Variants in ME3 observed in about 807,000 individuals in gnomAD.
The protein encoded by ME3 is malic enzyme 3, also known as NADP-dependent malic enzyme, mitochondrial.
Under a neutral mutation model 68.9 loss-of-function variants are expected in ME3, and 48 were observed. That is an observed-to-expected ratio of 0.70 (90% CI 0.55 to 0.89). The LOEUF is 0.89. Ranked by LOEUF, ME3 falls within the 40% of genes least tolerant of loss-of-function variation. The pLI is 0.00. For missense variants in ME3, 675 were observed against 797.4 expected (o/e 0.85, Z 1.85); for synonymous variants, 320 against 318.8 (o/e 1.00, Z -0.04).
At chr11:86,531,934 A>G (rs1955268109) in intron 4 of ME3, among the ~76,000 whole-genome samples, 1 of 152,068 alleles carries the variant, frequency 6.6e-6, no homozygotes, top group African/African-American at 2.4e-5. Flanking sequence ...TATGTAACAA[A>G]CCTGCACATT....
intron 8 of ME3, among the ~76,000 whole-genome samples, chr11:86,461,239 G>A (rs1352679448): frequency 1.3e-5 from 2 of 152,196 alleles, no homozygotes; most frequent in Non-Finnish European, 2.9e-5. Flanking sequence ...CTGGCTGTGT[G>A]GCCGTGAGCA....
intron 6 of ME3, among the ~76,000 whole-genome samples, chr11:86,491,124 T>C (rs1054168030): frequency 6.6e-6 from 1 of 152,240 alleles, no homozygotes; most frequent in Non-Finnish European, 1.5e-5. Flanking sequence ...TAGATTCTTA[T>C]GTTTGTATAG....
At chr11:86,631,891 A>C (rs1944041832) in intron 2 of ME3, among the ~76,000 whole-genome samples, 1 of 151,884 alleles carries the variant, frequency 6.6e-6, no homozygotes, top group African/African-American at 2.4e-5. Context: ...CACCATCATG[A>C]CCGGCTAATT....
intron 4 of ME3, among the ~76,000 whole-genome samples, chr11:86,556,235 G>A (rs1036389999): frequency 6.6e-6 from 1 of 152,196 alleles, no homozygotes; most frequent in Non-Finnish European, 1.5e-5. Flanking sequence ...GTGACCAGAG[G>A]GGGTGAGAGA....
intron 4 of ME3, among the ~76,000 whole-genome samples, chr11:86,556,043 G>C (rs1386041213): frequency 1.3e-5 from 2 of 152,008 alleles, no homozygotes; most frequent in Non-Finnish European, 2.9e-5. Flanking sequence ...AAATTCTTTG[G>C]CTCTGAGAGA....
At chr11:86,524,916 C>G (rs1954618919) in intron 4 of ME3, among the ~76,000 whole-genome samples, 1 of 152,150 alleles carries the variant, frequency 6.6e-6, no homozygotes, top group Admixed American at 6.5e-5. Context: ...AGTTCCGCCT[C>G]CAAACTACAA....
chr11:86,478,666 A>G (rs1951220990), intron 7 of ME3, among the ~76,000 whole-genome samples: 1 of 152,236 alleles, frequency 6.6e-6, no homozygotes. Context: ...ATTTTCAAAC[A>G]TTTTTTGCAG....
At chr11:86,504,356 A>G (rs1952921420) in intron 5 of ME3, among the ~76,000 whole-genome samples, 1 of 145,050 alleles carries the variant, frequency 6.9e-6, no homozygotes, top group South Asian at 2.2e-4. Context: ...CAGTTTGCTC[A>G]TCTGAGACAC....
Position 86,450,295 on chromosome 11 carries a change from A to G in ME3, c.1017+6T>C. The stretch of plus-strand genomic sequence containing the variant: ...AGCAACCAAAGAAACCCTCAATGCC[A>G]CATACCTCGCCTGCACCTTGGAAAA... On this transcript the variant is annotated splice_donor_region_variant and intron_variant, in intron 9 of 14. Coordinates refer to ENST00000543262, the Ensembl canonical transcript of ME3. 1.2e-6 allele frequency: 2 copies of G among 1,613,818 alleles called. No homozygotes were observed. The highest frequency in any genetic ancestry group is 1.7e-6 in the Non-Finnish European group (2 of 1,179,752).
At chr11:86,600,602 C>T (rs978065530) in intron 2 of ME3, among the ~76,000 whole-genome samples, 1 of 151,360 alleles carries the variant, frequency 6.6e-6, no homozygotes, top group Non-Finnish European at 1.5e-5. Context: ...CCAAGCGGAC[C>T]TAATAGACAT....
At chr11:86,598,859 A>G (rs1960058679) in intron 2 of ME3, among the ~76,000 whole-genome samples, 1 of 152,224 alleles carries the variant, frequency 6.6e-6, no homozygotes, top group Admixed American at 6.5e-5. Flanking sequence ...GTGGACCTCT[A>G]GCAAACTCCA....
chr11:86,567,078 A>G (rs994699959), intron 2 of ME3, among the ~76,000 whole-genome samples: 1 of 151,962 alleles, frequency 6.6e-6, no homozygotes, highest in African/African-American at 2.4e-5. Context: ...TTAGTCAGGC[A>G]TGGTGGTGCA....
intron 5 of ME3, among the ~76,000 whole-genome samples, chr11:86,504,380 C>CTTTT (rs35899335): frequency 2.2e-4 from 17 of 77,402 alleles, no homozygotes; most frequent in Non-Finnish European, 2.9e-4. Context: ...CCTATACATT[C>CTTTT]TTTTTTTTTT....
At chr11:86,532,140 T>C (rs564321540) in intron 4 of ME3, among the ~76,000 whole-genome samples, 1 of 152,162 alleles carries the variant, frequency 6.6e-6, no homozygotes, top group Admixed American at 6.5e-5. Context: ...AAGATCATTA[T>C]ATAATGATAA....
intron 2 of ME3, among the ~76,000 whole-genome samples, chr11:86,618,281 C>CAG (rs1245970595): frequency 9.6e-6 from 1 of 104,666 alleles, no homozygotes; most frequent in Non-Finnish European, 1.8e-5. Context: ...GCCTGGGCGA[C>CAG]AGAGCAAGGC....
rs1425139692 is a variant in ME3, at chr11:86,475,870, T to TAGAG, written c.810-10671_810-10670insCTCT. ...TATTCAGTATATATATATATATATA[T>TAGAG]ATATAGAGAGAGAGAGAGAGAGAGA... On this transcript the variant is annotated intron_variant, in intron 7 of 14. Coordinates refer to ENST00000543262, the Ensembl canonical transcript of ME3. Among the ~76,000 whole-genome samples, 696 of 106,360 alleles carry TAGAG rather than the reference T, an allele frequency of 6.5e-3. 1 individual carries two copies. Among genetic ancestry groups the TAGAG allele is most frequent in the East Asian group, 0.011 (44 of 4,076 alleles). The allele number at this position is 106,360 out of a possible 152,430, so 69.8% of individuals were successfully genotyped here. A position where few individuals can be genotyped will look rare whatever the true frequency, so the allele number is the denominator to read the frequency against.
At position 86,590,727 on chromosome 11, in the gene ME3, G is replaced by A. The variant is rs1050492039; in HGVS notation, c.184-30904C>T. 5.3e-5 allele frequency among the ~76,000 whole-genome samples: 8 copies of A among 152,158 alleles called. No homozygotes were observed. In the East Asian group the frequency reaches 1.5e-3, roughly 29 times the overall value. ...CTTTGTTAATTACGTTACTCTGGAG[G>A]CAGTGGGGAGCCACTGAAGGTTTTA... On this transcript the variant is annotated intron_variant, in intron 2 of 14. Coordinates refer to ENST00000543262, the Ensembl canonical transcript of ME3.
At chr11:86,480,138 C>G (rs1291088313) in intron 7 of ME3, among the ~76,000 whole-genome samples, 1 of 152,182 alleles carries the variant, frequency 6.6e-6, no homozygotes. Flanking sequence ...TCTTTTATTT[C>G]TTTTGAATCT....
intron 2 of ME3, among the ~76,000 whole-genome samples, chr11:86,560,748 G>GTGTGTATGTGTATATATATATA: frequency 1.6e-5 from 1 of 62,528 alleles, no homozygotes; most frequent in Non-Finnish European, 3.1e-5. Flanking sequence ...GTGTGTGTGT[G>GTGTGTATGTGTATATATATATA]TATATATATA....
Sources: gnomAD v4.1 joint callset for allele counts (sites outside exome capture counted in the v4.1 genomes callset) on GRCh38, gnomAD v4.1.1 for gene constraint, MANE v1.5 for transcripts, NCBI Gene and HGNC (gene_info 2026-07-23, HGNC 2026-07-21) for gene names.